The following UTP6 variants were observed in gnomAD, a reference collection of about 807,000 sequenced individuals.
UTP6 encodes U3 small nucleolar RNA-associated protein 6 homolog.
A neutral mutation model predicts 96.5 loss-of-function variants in UTP6; 60 were observed. The ratio of observed to expected loss-of-function variants is 0.62; its 90% CI spans 0.51 to 0.77. The LOEUF (loss-of-function observed/expected upper bound fraction) is 0.77, where lower values mean the gene tolerates loss of function less well. Ranked by LOEUF, UTP6 falls within the 30% of genes least tolerant of loss-of-function variation. The probability of loss-of-function intolerance (pLI) is 0.00; values close to 1 mark genes in which losing one functional copy is unlikely to be tolerated. For missense variants in UTP6, 637 were observed against 706.5 expected (o/e 0.90, Z 1.12); for synonymous variants, 215 against 240.1 (o/e 0.90, Z 0.96).
chr17:31,889,495 A>ATTTTT, intron 6 of UTP6, 92 bp from the exon 7 acceptor site: 8 of 536,706 alleles, frequency 1.5e-5, no homozygotes, highest in Non-Finnish European at 2.1e-5. Context: ...TACTCGCACA[A>ATTTTT]TTTTTTTTTT....
rs78267615 is a variant in UTP6, at chr17:31,876,696, T to C, written c.1126-1283A>G. On this transcript the variant is annotated intron_variant, in intron 13 of 18. Coordinates refer to ENST00000261708, the MANE Select transcript of UTP6 (RefSeq NM_018428.3). ...AAACAGTTCACTATGCCAGAACACA[T>C]GCTCACCAAACAGAGGATGAAAATT... 7.0e-3 allele frequency among the ~76,000 whole-genome samples: 1,062 copies of C among 151,158 alleles called. 11 individuals are homozygous for C. The highest frequency in any genetic ancestry group is 0.024 in the African/African-American group (998 of 41,126).
intron 10 of UTP6, 109 bp from the exon 11 acceptor site, chr17:31,880,863 A>G (rs1910790919): frequency 6.9e-7 from 1 of 1,441,064 alleles, no homozygotes; most frequent in African/African-American, 1.4e-5. Flanking sequence ...TCCCTGTAAC[A>G]ACTGCAGTAC....
Position 31,863,401 on chromosome 17 carries a change from T to C in UTP6, c.1752A>G (p.Ala584=), listed in dbSNP as rs1266781524. The C allele has an allele frequency of 1.2e-6, 2 of 1,614,048 alleles. No homozygotes were observed. The highest frequency in any genetic ancestry group is 2.2e-5 in the South Asian group (2 of 91,088). The change falls in exon 19 of 19, where the codon GCA becomes GCG. Residue 584 remains alanine, a synonymous_variant. Transcript: ENST00000261708. The part of the protein sequence containing the change: ...MKMLQGESAE[A]FVAKHAMHQT... Reference sequence around the variant, plus strand: ...GATGCATAGCATGTTTAGCTACAAATGCCTCTGCTGACTCTCCCTGCAACA... The same window carrying C: ...GATGCATAGCATGTTTAGCTACAAACGCCTCTGCTGACTCTCCCTGCAACA...
chr17:31,901,132 C>T (rs1033763944), intron 1 of UTP6, among the ~76,000 whole-genome samples: 3 of 152,132 alleles, frequency 2.0e-5, no homozygotes, highest in Admixed American at 6.6e-5. Context: ...TTATCCACTC[C>T]CCCTGGGCTC....
chr17:31,887,762 A>G (rs1911235135), intron 7 of UTP6: 2 of 151,482 alleles, frequency 1.3e-5, no homozygotes, highest in Admixed American at 6.6e-5. Flanking sequence ...GGAGTTCGAG[A>G]CCAGCCTGCC....
At chr17:31,890,047 T>C (rs1482017349) in intron 6 of UTP6, among the ~76,000 whole-genome samples, 1 of 152,104 alleles carries the variant, frequency 6.6e-6, no homozygotes, top group Non-Finnish European at 1.5e-5. Flanking sequence ...GGTCTTGCTC[T>C]GTTGCTCAGG....
intron 17 of UTP6, among the ~76,000 whole-genome samples, chr17:31,867,507 C>CA (rs753954881): frequency 0.018 from 2,169 of 117,728 alleles, 37 homozygotes; most frequent in African/African-American, 0.055. Context: ...GACTCTATCT[C>CA]AAAAAAAAAA....
At chr17:31,880,441 AGG>A in intron 11 of UTP6, 130 bp downstream of exon 11, 1 of 1,033,568 alleles carries the variant, frequency 9.7e-7, no homozygotes, top group Non-Finnish European at 1.4e-6. Flanking sequence ...AAAAAAAAAA[AGG>A]CCAGGCTCAT....
intron 14 of UTP6, 25 bp from the exon 15 acceptor site, chr17:31,873,778 G>A: frequency 6.3e-7 from 1 of 1,598,608 alleles, no homozygotes; most frequent in Non-Finnish European, 8.5e-7. Flanking sequence ...AAAAATGTTA[G>A]TTAGAGAACA....
At chr17:31,900,132 G>A (rs1270541706) in intron 1 of UTP6, among the ~76,000 whole-genome samples, 2 of 151,582 alleles carry the variant, frequency 1.3e-5, no homozygotes, top group Middle Eastern at 6.3e-3. Context: ...GACAGAGCAA[G>A]ACTCCATCTC....
chr17:31,879,072 C>T (rs1910668745), intron 11 of UTP6, among the ~76,000 whole-genome samples: 1 of 152,080 alleles, frequency 6.6e-6, no homozygotes, highest in Non-Finnish European at 1.5e-5. Context: ...TACATTATTA[C>T]AAAATAAAAA....
intron 13 of UTP6, 56 bp from the exon 14 acceptor site, chr17:31,875,469 G>A: frequency 6.4e-7 from 1 of 1,574,742 alleles, no homozygotes; most frequent in East Asian, 2.3e-5. Flanking sequence ...AACAATCTAT[G>A]TAAATGTAAA....
chr17:31,884,645 T>A, intron 9 of UTP6, 140 bp from the exon 10 acceptor site: 2 of 645,484 alleles, frequency 3.1e-6, no homozygotes, highest in East Asian at 2.9e-5. Context: ...AGAAAAGTCA[T>A]CCCATAGTCC....
intron 4 of UTP6, among the ~76,000 whole-genome samples, chr17:31,893,061 A>C (rs1904420106): frequency 6.6e-6 from 1 of 152,142 alleles, no homozygotes; most frequent in African/African-American, 2.4e-5. Context: ...ACTTGAGGTC[A>C]GGAGTTCAAA....
intron 6 of UTP6, among the ~76,000 whole-genome samples, chr17:31,890,064 T>C (rs1911400072): frequency 6.6e-6 from 1 of 152,046 alleles, no homozygotes; most frequent in African/African-American, 2.4e-5. Context: ...CAGGCTGCAG[T>C]GGCACAAACA....
intron 9 of UTP6, 100 bp from the exon 10 acceptor site, chr17:31,884,605 T>A: frequency 1.1e-6 from 1 of 915,966 alleles, no homozygotes; most frequent in Non-Finnish European, 1.6e-6. Flanking sequence ...ATCTTCTTGT[T>A]TTTTGAAATG....
rs1477162625 is a variant in UTP6, at chr17:31,862,880, T to G, written c.*479A>C. On this transcript the variant is annotated 3_prime_UTR_variant, in exon 19 of 19. Coordinates refer to ENST00000261708, the MANE Select transcript of UTP6 (RefSeq NM_018428.3). ...TGAGTCACCATGCCTGGCCACTTTC[T>G]CCTTCATTTTAACTGGCTCTTAGGT... is the stretch of plus-strand genomic sequence containing the variant. 6.5e-6 allele frequency: 1 copy of G among 154,184 alleles called. No homozygotes were observed. Among genetic ancestry groups the G allele is most frequent in the Non-Finnish European group, 1.4e-5 (1 of 69,324 alleles). 9.6% of individuals were successfully genotyped at this position (154,184 alleles called of 1,614,324 possible).
At chr17:31,889,467 CAA>C (rs1201856867) in intron 6 of UTP6, 64 bp from the exon 7 acceptor site, 27 of 1,239,922 alleles carry the variant, frequency 2.2e-5, no homozygotes, top group Non-Finnish European at 2.9e-5. Flanking sequence ...AGAAAAGAAC[CAA>C]ATGATCCAAT....
intron 16 of UTP6, among the ~76,000 whole-genome samples, chr17:31,868,831 C>T (rs1414191470): frequency 2.0e-5 from 3 of 152,260 alleles, no homozygotes; most frequent in Admixed American, 6.5e-5. Context: ...ACTGCATCCA[C>T]GGCCGGGCAT....
Sources: gnomAD v4.1 joint callset for allele counts (sites outside exome capture counted in the v4.1 genomes callset) on GRCh38, gnomAD v4.1.1 for gene constraint, MANE v1.5 for transcripts, NCBI Gene and HGNC (gene_info 2026-07-23, HGNC 2026-07-21) for gene names.